KALRN: variants seen among roughly 807,000 people sequenced by gnomAD.
KALRN encodes kalirin RhoGEF kinase, also known as kalirin.
In KALRN, 70 loss-of-function variants were observed where a neutral mutation model predicts 353.7. The observed-to-expected ratio is 0.20, with a 90% CI of 0.16 to 0.24. The LOEUF (loss-of-function observed/expected upper bound fraction) is 0.24, where lower values mean the gene tolerates loss of function less well. Among genes scored for constraint, KALRN ranks in the 10% least tolerant of loss-of-function variants. KALRN has a pLI of 1.00. For synonymous variants in KALRN, 1,391 were observed against 1,434.8 expected, an observed-to-expected ratio of 0.97 and a Z score of 0.69; for missense variants, 2,791 against 3,756.7, an observed-to-expected ratio of 0.74 and a Z score of 6.72.
intron 1 of KALRN, among the ~76,000 whole-genome samples, chr3:124,119,461 T>C (rs915295616): frequency 1.2e-4 from 18 of 152,254 alleles, no homozygotes; most frequent in African/African-American, 4.3e-4. Context: ...GTAAGATTTC[T>C]GTTATTTCTC....
intron 2 of KALRN, among the ~76,000 whole-genome samples, chr3:124,231,723 T>C (rs2079178131): frequency 6.6e-6 from 1 of 151,106 alleles, no homozygotes; most frequent in South Asian, 2.1e-4. Flanking sequence ...TTTTTTTTTT[T>C]AATCTGGCAT....
intron 33 of KALRN, among the ~76,000 whole-genome samples, chr3:124,558,819 C>T (rs1327198275): frequency 2.6e-5 from 4 of 152,210 alleles, no homozygotes; most frequent in Non-Finnish European, 5.9e-5. Context: ...GAGAATGGAG[C>T]AGAGACACAG....
Position 124,496,431 on chromosome 3 carries a change from C to T in KALRN, c.4935+18C>T, listed in dbSNP as rs372858555. The T allele has an allele frequency of 3.8e-6, 6 of 1,568,892 alleles. No individual in the cohort carries two copies. In the African/African-American group the frequency reaches 6.8e-5, roughly 18 times the overall value. On this transcript the variant is annotated intron_variant, in intron 33 of 59. Transcript: ENST00000682506. Reference sequence around the variant, plus strand: ...GTGACAAGGTAGGACAGAGTCCTAACCTTCCTTCCCCTGAGACTTCTTGAT... The same window carrying T: ...GTGACAAGGTAGGACAGAGTCCTAATCTTCCTTCCCCTGAGACTTCTTGAT...
chr3:124,381,469 T>C (rs982830615), intron 10 of KALRN, among the ~76,000 whole-genome samples: 53 of 152,210 alleles, frequency 3.5e-4, no homozygotes, highest in African/African-American at 1.2e-3. Flanking sequence ...TAGAAGACAG[T>C]TGTGATTGGG....
At chr3:124,206,258 A>C (rs1170911857) in intron 1 of KALRN, among the ~76,000 whole-genome samples, 2 of 152,216 alleles carry the variant, frequency 1.3e-5, no homozygotes, top group East Asian at 3.8e-4. Context: ...ATAGGGCCTC[A>C]GAGTCCTCCA....
At chr3:124,666,813 A>T (rs1183498028) in intron 46 of KALRN, among the ~76,000 whole-genome samples, 179 bp downstream of exon 46, 1 of 152,186 alleles carries the variant, frequency 6.6e-6, no homozygotes, top group Admixed American at 6.5e-5. Flanking sequence ...TGACAGGCTG[A>T]GCCAGTCTCT....
At chr3:124,385,684 A>C (rs998784985) in intron 11 of KALRN, among the ~76,000 whole-genome samples, 8 of 152,110 alleles carry the variant, frequency 5.3e-5, no homozygotes, top group African/African-American at 1.9e-4. Flanking sequence ...CACCAAGTGG[A>C]GAAAGGAGAA....
At chr3:124,715,096 G>T (rs933630729) in intron 58 of KALRN, among the ~76,000 whole-genome samples, 2 of 151,680 alleles carry the variant, frequency 1.3e-5, no homozygotes, top group African/African-American at 4.8e-5. Context: ...AAGACCAATA[G>T]ATAGATAAAT....
chr3:124,347,823 C>T (rs940476074), intron 10 of KALRN, among the ~76,000 whole-genome samples: 10 of 152,104 alleles, frequency 6.6e-5, no homozygotes, highest in African/African-American at 1.4e-4. Context: ...AACCTGCCTT[C>T]GTGTGATTTG....
intron 34 of KALRN, among the ~76,000 whole-genome samples, chr3:124,613,166 G>A (rs2078195213): frequency 6.6e-6 from 1 of 150,862 alleles, no homozygotes; most frequent in Non-Finnish European, 1.5e-5. Flanking sequence ...GGTCCCAGAT[G>A]TATAGTATTT....
intron 1 of KALRN, among the ~76,000 whole-genome samples, chr3:124,076,431 C>A (rs752401698): frequency 6.6e-6 from 1 of 152,174 alleles, no homozygotes; most frequent in Non-Finnish European, 1.5e-5. Context: ...AGGCTGATGT[C>A]ATCTGGCCTT....
chr3:124,525,183 T>C (rs1473602370), intron 33 of KALRN, among the ~76,000 whole-genome samples: 1 of 152,146 alleles, frequency 6.6e-6, no homozygotes, highest in Non-Finnish European at 1.5e-5. Context: ...AGGCCTACCA[T>C]GGGTGGATGT....
At chr3:124,367,066 C>G (rs1294239933) in intron 10 of KALRN, among the ~76,000 whole-genome samples, 1 of 132,234 alleles carries the variant, frequency 7.6e-6, no homozygotes, top group Non-Finnish European at 1.7e-5. Context: ...GGGGGCTGAC[C>G]CCCCCACCTC....
At chr3:124,194,412 C>T (rs1267572587) in intron 1 of KALRN, among the ~76,000 whole-genome samples, 1 of 151,610 alleles carries the variant, frequency 6.6e-6, no homozygotes, top group East Asian at 1.9e-4. Context: ...TTTACTAGTT[C>T]TGTGATGATA....
At chr3:124,627,188 C>A (rs1325078205) in intron 34 of KALRN, among the ~76,000 whole-genome samples, 1 of 152,076 alleles carries the variant, frequency 6.6e-6, no homozygotes, top group Non-Finnish European at 1.5e-5. Context: ...CCTTTATAAC[C>A]AGACATTTAA....
chr3:124,596,201 G>A (rs55687222), intron 34 of KALRN, among the ~76,000 whole-genome samples: 13,181 of 138,058 alleles, frequency 0.095, 733 homozygotes, highest in Non-Finnish European at 0.12. Flanking sequence ...AAAAAAAAAA[G>A]GACCAGGTGC....
In KALRN at chr3:124,673,442, A is replaced by G. The variant is rs12490490; in HGVS notation, c.6943-922A>G. Among the ~76,000 whole-genome samples the G allele has an allele frequency of 1.6e-3, 229 of 140,380 alleles. 3 individuals are homozygous for G. Among genetic ancestry groups the G allele is most frequent in the African/African-American group, 5.0e-3 (201 of 40,186 alleles). 92.1% of individuals were successfully genotyped at this position (140,380 alleles called of 152,430 possible). On this transcript the variant is annotated intron_variant, in intron 48 of 59. Transcript: ENST00000682506. ...TTGTATGTATATCCTGTATGTATAT[A>G]CATATAGAATATATATGTATATCCT...
In KALRN at chr3:124,041,232, C is replaced by T. The variant is rs148773077; in HGVS notation, c.73+7419C>T. Reference sequence around the variant, plus strand: ...CAGGAGGTAAACACTCCATTTTGCTCTCTACTTACATGAATAACTTGGACA... The same window carrying T: ...CAGGAGGTAAACACTCCATTTTGCTTTCTACTTACATGAATAACTTGGACA... On this transcript the variant is annotated intron_variant, in intron 1 of 59. Coordinates refer to ENST00000682506, the MANE Select transcript of KALRN (RefSeq NM_001388419.1). Among the ~76,000 whole-genome samples, 40 of 152,284 alleles carry T rather than the reference C, an allele frequency of 2.6e-4. No homozygotes were observed. The East Asian group carries it at 7.3e-3, about 28-fold the overall frequency.
chr3:124,187,764 T>TG (rs1405750076), intron 1 of KALRN, among the ~76,000 whole-genome samples: 43 of 152,300 alleles, frequency 2.8e-4, no homozygotes, highest in African/African-American at 1.0e-3. Flanking sequence ...GGGGTAGATT[T>TG]CTGTTGTAAG....
Sources: allele counts gnomAD v4.1 joint callset (sites outside exome capture counted in the v4.1 genomes callset), GRCh38; gene constraint gnomAD v4.1.1; transcripts MANE v1.5; gene names NCBI Gene and HGNC (gene_info 2026-07-23, HGNC 2026-07-21).